Variants in EPHA5 observed in about 807,000 individuals in gnomAD.
EPHA5 encodes the protein EPH receptor A5.
In EPHA5, 60 loss-of-function variants were observed where a neutral mutation model predicts 105.0. That is an observed-to-expected ratio of 0.57 (90% CI 0.46 to 0.71). The LOEUF is 0.71. EPHA5 is among the 30% of genes least tolerant of loss of function. The pLI is 0.00. For synonymous variants in EPHA5, 513 were observed against 449.1 expected, an observed-to-expected ratio of 1.14 and a Z score of -1.80; for missense variants, 1,218 against 1,274.7, an observed-to-expected ratio of 0.96 and a Z score of 0.68.
intron 5 of EPHA5, among the ~76,000 whole-genome samples, chr4:65,475,347 T>C (rs1729691315): frequency 6.6e-6 from 1 of 152,156 alleles, no homozygotes; most frequent in Non-Finnish European, 1.5e-5. Context: ...TAAAATCACA[T>C]GAACAAGTTA....
intron 8 of EPHA5, 43 bp from the exon 9 acceptor site, chr4:65,367,467 G>C: frequency 6.4e-7 from 1 of 1,572,856 alleles, no homozygotes. Context: ...TGAAAGTGGT[G>C]AATCAGTCAC....
intron 3 of EPHA5, among the ~76,000 whole-genome samples, chr4:65,578,745 G>A (rs962969846): frequency 7.9e-5 from 12 of 152,080 alleles, no homozygotes; most frequent in Admixed American, 7.2e-4. Context: ...ACGTGGATGA[G>A]ATTTAATATA....
chr4:65,364,036 AC>A (rs1277565604), intron 11 of EPHA5, among the ~76,000 whole-genome samples: 1 of 151,450 alleles, frequency 6.6e-6, no homozygotes, highest in Non-Finnish European at 1.5e-5. Flanking sequence ...TTCTAATAAG[AC>A]CTCAGGATTG....
intron 5 of EPHA5, among the ~76,000 whole-genome samples, chr4:65,427,347 C>G (rs2149053284): frequency 6.6e-6 from 1 of 151,586 alleles, no homozygotes; most frequent in African/African-American, 2.4e-5. Context: ...CTGCACCCGG[C>G]TAATTTTTGT....
At chr4:65,592,499 C>A (rs748223850) in intron 3 of EPHA5, among the ~76,000 whole-genome samples, 3 of 148,356 alleles carry the variant, frequency 2.0e-5, no homozygotes, top group Non-Finnish European at 3.0e-5. Context: ...AAGAGGACTC[C>A]GAGTTAAAAA....
At chr4:65,517,483 C>T (rs1461573694) in intron 3 of EPHA5, among the ~76,000 whole-genome samples, 5 of 151,786 alleles carry the variant, frequency 3.3e-5, no homozygotes, top group African/African-American at 7.3e-5. Context: ...TAATGATCTG[C>T]ACCTTTTAAT....
chr4:65,494,291 G>A (rs1390511087), intron 4 of EPHA5, among the ~76,000 whole-genome samples: 1 of 152,106 alleles, frequency 6.6e-6, no homozygotes, highest in Non-Finnish European at 1.5e-5. Flanking sequence ...ATTTCAATTT[G>A]TGATTATTTG....
chr4:65,338,493 C>T (rs754798584), intron 14 of EPHA5, among the ~76,000 whole-genome samples: 4 of 151,714 alleles, frequency 2.6e-5, no homozygotes, highest in Non-Finnish European at 5.9e-5. Context: ...ATAATCCTTC[C>T]TCCACTAAGC....
chr4:65,499,881 A>T (rs991466037), intron 3 of EPHA5, among the ~76,000 whole-genome samples: 11 of 151,224 alleles, frequency 7.3e-5, no homozygotes, highest in African/African-American at 2.4e-4. Context: ...TTTGAATTTA[A>T]TCTGAAACAA....
At chr4:65,427,884 T>C (rs1429819686) in intron 5 of EPHA5, among the ~76,000 whole-genome samples, 1 of 152,202 alleles carries the variant, frequency 6.6e-6, no homozygotes, top group East Asian at 1.9e-4. Context: ...TAATACTGTC[T>C]TTCAGTATTT....
Position 65,324,119 on chromosome 4 carries a change from A to G in EPHA5, c.3046T>C (p.Leu1016=), listed in dbSNP as rs1342367380. The change falls in exon 17 of 17, where the codon TTG becomes CTG. Residue 1016 remains leucine (L), a synonymous_variant. Transcript: ENST00000613740. The part of the protein sequence containing the change: ...KVQLVNGMVP[L] ...GAAGCGACATTTACATGAAGTTACA[A>G]TGGCACCATTCCGTTTACCAGCTGC... 1.2e-6 allele frequency: 2 copies of G among 1,604,518 alleles called. No individual in the cohort carries two copies. Among genetic ancestry groups the G allele is most frequent in the Non-Finnish European group, 1.7e-6 (2 of 1,172,882 alleles).
At chr4:65,524,572 C>T (rs1735055126) in intron 3 of EPHA5, among the ~76,000 whole-genome samples, 1 of 151,602 alleles carries the variant, frequency 6.6e-6, no homozygotes, top group South Asian at 2.1e-4. Context: ...AAAAATATAA[C>T]TTAAATTAGT....
intron 13 of EPHA5, among the ~76,000 whole-genome samples, chr4:65,350,365 G>GTT (rs199710797): frequency 6.8e-6 from 1 of 147,144 alleles, no homozygotes; most frequent in African/African-American, 2.4e-5. Context: ...AAGCAAAAAT[G>GTT]TTTTAAAAAA....
At chr4:65,552,263 C>CCACA (rs1443261737) in intron 3 of EPHA5, among the ~76,000 whole-genome samples, 1 of 152,180 alleles carries the variant, frequency 6.6e-6, no homozygotes, top group Admixed American at 6.5e-5. Flanking sequence ...TGGAGCTTGA[C>CCACA]CACATTACAA....
At chr4:65,426,843 A>G (rs1162320895) in intron 5 of EPHA5, among the ~76,000 whole-genome samples, 1 of 151,840 alleles carries the variant, frequency 6.6e-6, no homozygotes, top group East Asian at 1.9e-4. Flanking sequence ...TATATTTTTT[A>G]TTTGTTTTTG....
intron 1 of EPHA5, among the ~76,000 whole-genome samples, chr4:65,650,600 ATATCT>A: frequency 6.7e-6 from 1 of 148,934 alleles, no homozygotes; most frequent in Admixed American, 6.7e-5. Context: ...TTCTATCCAA[ATATCT>A]GAGTCACTGA....
intron 3 of EPHA5, among the ~76,000 whole-genome samples, chr4:65,574,627 C>CATATATATATAT (rs1740626806): frequency 1.2e-5 from 1 of 85,260 alleles, no homozygotes; most frequent in Admixed American, 1.1e-4. Context: ...TATATATATA[C>CATATATATATAT]ACATATATAT....
At chr4:65,564,714 A>G (rs1739353621) in intron 3 of EPHA5, among the ~76,000 whole-genome samples, 1 of 151,786 alleles carries the variant, frequency 6.6e-6, no homozygotes, top group African/African-American at 2.4e-5. Flanking sequence ...AGGGTAGATA[A>G]ATATCTGTTG....
At chr4:65,428,977 CT>C in intron 5 of EPHA5, among the ~76,000 whole-genome samples, 1 of 152,074 alleles carries the variant, frequency 6.6e-6, no homozygotes, top group East Asian at 1.9e-4. Context: ...AACATGCCTC[CT>C]TCTGAATAGC....
Sources: allele counts gnomAD v4.1 joint callset (sites outside exome capture counted in the v4.1 genomes callset), GRCh38; gene constraint gnomAD v4.1.1; transcripts MANE v1.5; gene names NCBI Gene and HGNC (gene_info 2026-07-23, HGNC 2026-07-21).